CSMD2: variants seen among roughly 807,000 people sequenced by gnomAD.
The protein encoded by CSMD2 is CUB and sushi domain-containing protein 2.
A neutral mutation model predicts 398.5 loss-of-function variants in CSMD2; 130 were observed. The ratio of observed to expected loss-of-function variants is 0.33; its 90% confidence interval spans 0.28 to 0.38. CSMD2 has a LOEUF of 0.38. Among genes scored for constraint, CSMD2 ranks in the 10% least tolerant of loss-of-function variants. CSMD2 has a pLI of 1.00. For synonymous variants in CSMD2, 1,828 were observed against 1,908.5 expected, an observed-to-expected ratio of 0.96 and a Z score of 1.10; for missense variants, 3,829 against 4,764.9, an observed-to-expected ratio of 0.80 and a Z score of 5.78.
chr1:34,111,559 C>T (rs1661079745), intron 1 of CSMD2, among the ~76,000 whole-genome samples: 1 of 152,214 alleles, frequency 6.6e-6, no homozygotes, highest in South Asian at 2.1e-4. Flanking sequence ...ACAATCATGA[C>T]TTTGGTCCTT....
rs193030228 is a variant in CSMD2 at position 33,928,885 on chromosome 1, C to A, written c.712+6875G>T. Reference sequence around the variant, plus strand: ...TGGTGTCCAGCATGCAGTGCCCAGACCCTCTTTGCTATCTACAGTGTTGCC... The same window carrying A: ...TGGTGTCCAGCATGCAGTGCCCAGAACCTCTTTGCTATCTACAGTGTTGCC... On this transcript the variant is annotated intron_variant, in intron 4 of 70. Transcript: ENST00000373381. Among the ~76,000 whole-genome samples, 16 of 152,288 alleles carry A rather than the reference C, an allele frequency of 1.1e-4. No individual in the cohort carries two copies. The East Asian group carries it at 2.5e-3, about 24-fold the overall frequency.
At chr1:33,812,118 G>A (rs534296923) in intron 9 of CSMD2, among the ~76,000 whole-genome samples, 18 of 152,080 alleles carry the variant, frequency 1.2e-4, no homozygotes, top group African/African-American at 2.9e-4. Flanking sequence ...TCATTCCTGC[G>A]CTTAGCTCAT....
At chr1:34,085,638 G>A (rs1457539350) in intron 2 of CSMD2, among the ~76,000 whole-genome samples, 2 of 152,000 alleles carry the variant, frequency 1.3e-5, no homozygotes, top group African/African-American at 4.8e-5. Flanking sequence ...AGGTTTAGGG[G>A]GAAAAGAGCT....
Position 34,075,578 on chromosome 1 carries a change from T to C in CSMD2, c.404+13399A>G, listed in dbSNP as rs116627137. 8.8e-3 allele frequency among the ~76,000 whole-genome samples: 1,335 copies of C among 152,360 alleles called. 19 individuals carry two copies. The highest frequency in any genetic ancestry group is 0.028 in the African/African-American group (1,174 of 41,588). On this transcript the variant is annotated intron_variant, in intron 2 of 70. Coordinates refer to ENST00000373381, the MANE Select transcript of CSMD2 (RefSeq NM_001281956.2). The stretch of plus-strand genomic sequence containing the variant: ...ATAATTGAGGGAACGAGTTGTAGTG[T>C]TTCCCATAACTTGAGCCCAAATGTC...
At chr1:33,984,770 G>C (rs1274965517) in intron 3 of CSMD2, among the ~76,000 whole-genome samples, 1 of 151,668 alleles carries the variant, frequency 6.6e-6, no homozygotes, top group African/African-American at 2.4e-5. Context: ...GTGACAGAGT[G>C]AGACCCTGTC....
At chr1:33,562,443 A>G (rs1658656976) in intron 53 of CSMD2, among the ~76,000 whole-genome samples, 1 of 152,206 alleles carries the variant, frequency 6.6e-6, no homozygotes, top group South Asian at 2.1e-4. Flanking sequence ...TGAGCATTCT[A>G]GAACATGGCC....
intron 5 of CSMD2, among the ~76,000 whole-genome samples, chr1:33,852,742 AG>A (rs1638806673): frequency 6.6e-6 from 1 of 152,248 alleles, no homozygotes; most frequent in Non-Finnish European, 1.5e-5. Context: ...TCTGGTGCAC[AG>A]CACAGTGCCT....
intron 6 of CSMD2, among the ~76,000 whole-genome samples, chr1:33,831,479 C>G (rs1398755823): frequency 6.6e-6 from 1 of 151,814 alleles, no homozygotes; most frequent in Non-Finnish European, 1.5e-5. Flanking sequence ...TTTGTCACCA[C>G]CAGGCCTGCC....
At chr1:33,595,717 T>G (rs1639793905) in intron 44 of CSMD2, among the ~76,000 whole-genome samples, 1 of 152,190 alleles carries the variant, frequency 6.6e-6, no homozygotes, top group African/African-American at 2.4e-5. Flanking sequence ...GCCTTGGGCA[T>G]TTCCTTAGTT....
intron 10 of CSMD2, among the ~76,000 whole-genome samples, chr1:33,802,842 T>A (rs1655764011): frequency 2.0e-5 from 3 of 152,130 alleles, no homozygotes; most frequent in Admixed American, 2.0e-4. Flanking sequence ...TCTGTGCATA[T>A]TTTTTCCTAA....
At chr1:33,892,290 TA>T (rs1362757591) in intron 5 of CSMD2, among the ~76,000 whole-genome samples, 1 of 151,528 alleles carries the variant, frequency 6.6e-6, no homozygotes, top group Middle Eastern at 3.4e-3. Context: ...AAAATAGGAT[TA>T]AAAATTTTAA....
chr1:34,103,499 C>T (rs148697385), intron 1 of CSMD2, among the ~76,000 whole-genome samples: 6,106 of 151,928 alleles, frequency 0.04, 178 homozygotes, highest in Non-Finnish European at 0.053. Flanking sequence ...GGGGTTTCAC[C>T]GTGTTAGCCA....
chr1:33,806,153 C>T (rs1656207139), intron 10 of CSMD2, among the ~76,000 whole-genome samples: 1 of 152,114 alleles, frequency 6.6e-6, no homozygotes, highest in Admixed American at 6.5e-5. Context: ...TAAATCTGCA[C>T]CCATAGTGTG....
chr1:33,746,081 T>C (rs889611415), intron 13 of CSMD2, among the ~76,000 whole-genome samples: 6 of 152,066 alleles, frequency 3.9e-5, no homozygotes, highest in African/African-American at 1.4e-4. Flanking sequence ...AGAATAACAC[T>C]TCCCCCTGGG....
At chr1:33,562,559 G>A (rs1460943076) in intron 53 of CSMD2, among the ~76,000 whole-genome samples, 2 of 152,150 alleles carry the variant, frequency 1.3e-5, no homozygotes, top group Non-Finnish European at 2.9e-5. Flanking sequence ...ATTAGTGTAG[G>A]CAACCGTCTC....
At chr1:33,841,898 A>G (rs1660890914) in intron 6 of CSMD2, among the ~76,000 whole-genome samples, 2 of 152,158 alleles carry the variant, frequency 1.3e-5, no homozygotes, top group South Asian at 2.1e-4. Flanking sequence ...CTCATGTTAT[A>G]CATGGGGAGG....
rs114985431 is a variant in CSMD2, at chr1:33,807,236, G to A, written c.1446+3507C>T. ...AATCAAATGTCCAGTGAATACTAGC[G>A]TTCTTTCAAGAACAAGGGTAAGCAG... is the stretch of plus-strand genomic sequence containing the variant. On this transcript the variant is annotated intron_variant, in intron 10 of 70. Coordinates refer to ENST00000373381, the MANE Select transcript of CSMD2 (RefSeq NM_001281956.2). Among the ~76,000 whole-genome samples the A allele has an allele frequency of 2.0e-3, 302 of 152,208 alleles. 1 individual carries two copies. The highest frequency in any genetic ancestry group is 6.5e-3 in the African/African-American group (270 of 41,516).
At chr1:33,570,672 G>C (rs1217765757) in intron 51 of CSMD2, among the ~76,000 whole-genome samples, 2 of 152,138 alleles carry the variant, frequency 1.3e-5, no homozygotes, top group Non-Finnish European at 2.9e-5. Context: ...TATTTCCCCA[G>C]CTGCTGGAAA....
chr1:33,662,804 G>A (rs1293528050), intron 26 of CSMD2, 86 bp downstream of exon 26: 15 of 1,171,634 alleles, frequency 1.3e-5, no homozygotes, highest in Non-Finnish European at 1.7e-5. Context: ...CATGGACTGA[G>A]GGATGAAGGA....
Sources: allele counts gnomAD v4.1 joint callset (sites outside exome capture counted in the v4.1 genomes callset), GRCh38; gene constraint gnomAD v4.1.1; transcripts MANE v1.5; gene names NCBI Gene and HGNC (gene_info 2026-07-23, HGNC 2026-07-21).